The following LYPD6 variants were observed in gnomAD, a reference collection of about 807,000 sequenced individuals.
LYPD6 encodes the protein LY6/PLAUR domain containing 6.
Under a neutral mutation model 22.7 loss-of-function variants are expected in LYPD6, and 15 were observed. The observed-to-expected ratio is 0.66, with a 90% CI of 0.44 to 1.02. The LOEUF is 1.02. Ranked by LOEUF, LYPD6 falls within the 50% of genes least tolerant of loss-of-function variation. The pLI, the probability that LYPD6 is intolerant of heterozygous loss-of-function variation, is 0.00. For synonymous variants in LYPD6, 72 were observed against 77.5 expected (o/e 0.93, Z 0.37); for missense variants, 189 against 208.4 (o/e 0.91, Z 0.57).
intron 1 of LYPD6, among the ~76,000 whole-genome samples, chr2:149,424,724 G>A (rs1021960108): frequency 4.6e-5 from 7 of 152,176 alleles, no homozygotes; most frequent in Admixed American, 2.0e-4. Context: ...GAGAAGCAGC[G>A]TGGTGCACTA....
chr2:149,472,978 T>C lies in LYPD6; in HGVS notation c.*2128T>C, dbSNP rs1242683191. ...GCTATTTGCATGTGTCCCCAGGTGA[T>C]GTTTTTTCTTTGGGGAGTAGGGGTT... On this transcript the variant is annotated 3_prime_UTR_variant, in exon 5 of 5. Coordinates refer to ENST00000334166, the MANE Select transcript of LYPD6 (RefSeq NM_194317.5). The C allele has an allele frequency of 6.6e-6, 1 of 152,636 alleles. No individual in the cohort carries two copies. The highest frequency in any genetic ancestry group is 2.4e-5 in the African/African-American group (1 of 41,460). The allele number at this position is 152,636 out of a possible 1,614,324, so 9.5% of individuals were successfully genotyped here.
chr2:149,476,085 A>T (rs1057388265), downstream of LYPD6, among the ~76,000 whole-genome samples: 1 of 152,182 alleles, frequency 6.6e-6, no homozygotes, highest in African/African-American at 2.4e-5. Context: ...GAGAACTCAG[A>T]TCATTTGTCT....
chr2:149,441,995 T>C (rs530318494), intron 2 of LYPD6, among the ~76,000 whole-genome samples: 1 of 152,322 alleles, frequency 6.6e-6, no homozygotes, highest in African/African-American at 2.4e-5. Flanking sequence ...CAGACTATAC[T>C]ACGTAAGTCT....
intron 1 of LYPD6, among the ~76,000 whole-genome samples, chr2:149,348,995 T>C (rs533476462): frequency 2.3e-4 from 35 of 152,156 alleles, no homozygotes; most frequent in African/African-American, 8.2e-4. Flanking sequence ...GCTTCTAAGG[T>C]TTGGGACCTG....
chr2:149,393,479 A>C (rs1682359540), intron 1 of LYPD6, among the ~76,000 whole-genome samples: 1 of 152,318 alleles, frequency 6.6e-6, no homozygotes, highest in Non-Finnish European at 1.5e-5. Flanking sequence ...AAATAGCCTC[A>C]TAGTTGTTCT....
chr2:149,440,413 C>T lies in LYPD6; in HGVS notation c.118+2587C>T, dbSNP rs78126362. 8.5e-3 allele frequency: 1,358 copies of T among 160,040 alleles called. 15 individuals are homozygous for T. The highest frequency in any genetic ancestry group is 0.031 in the African/African-American group (1,301 of 41,756). The allele number at this position is 160,040 out of a possible 1,614,324, so 9.9% of individuals were successfully genotyped here. A position where few individuals can be genotyped will look rare whatever the true frequency, so the allele number is the denominator to read the frequency against. ...CCGGAAGAAACTGAAGAAACAAAAA[C>T]GTATGACATTGGAAATAAATGCAGC... On this transcript the variant is annotated intron_variant, in intron 2 of 4. Coordinates refer to ENST00000334166, the MANE Select transcript of LYPD6 (RefSeq NM_194317.5).
At chr2:149,397,203 G>A (rs1682446818) in intron 1 of LYPD6, among the ~76,000 whole-genome samples, 1 of 152,220 alleles carries the variant, frequency 6.6e-6, no homozygotes, top group Non-Finnish European at 1.5e-5. Flanking sequence ...AGGTCTATGA[G>A]TTGGCTGGGT....
At chr2:149,384,315 T>C (rs1184802620) in intron 1 of LYPD6, among the ~76,000 whole-genome samples, 1 of 152,210 alleles carries the variant, frequency 6.6e-6, no homozygotes, top group Admixed American at 6.5e-5. Flanking sequence ...AGTATTCTTA[T>C]CACAAACTCC....
intron 3 of LYPD6, among the ~76,000 whole-genome samples, chr2:149,468,132 AACACAC>A (rs58309346): frequency 0.048 from 5,514 of 114,642 alleles, 169 homozygotes; most frequent in East Asian, 0.16. Flanking sequence ...GCTTCCCCCC[AACACAC>A]ACACACACAC....
chr2:149,458,907 G>A (rs186600193), intron 3 of LYPD6, among the ~76,000 whole-genome samples: 173 of 152,256 alleles, frequency 1.1e-3, no homozygotes, highest in African/African-American at 3.9e-3. Context: ...GTAGAAAATA[G>A]GCTGAGGGGA....
intron 1 of LYPD6, among the ~76,000 whole-genome samples, chr2:149,434,399 C>T (rs887122089): frequency 6.6e-6 from 1 of 152,134 alleles, no homozygotes; most frequent in Non-Finnish European, 1.5e-5. Context: ...TTACTGTGTA[C>T]TTTACTATGA....
intron 1 of LYPD6, among the ~76,000 whole-genome samples, chr2:149,351,571 G>A (rs190628967): frequency 1.3e-4 from 20 of 152,148 alleles, no homozygotes; most frequent in Non-Finnish European, 1.2e-4. Context: ...GGAAGATTGC[G>A]TGTTCATAAG....
At chr2:149,353,916 C>T (rs1681404463) in intron 1 of LYPD6, among the ~76,000 whole-genome samples, 1 of 152,074 alleles carries the variant, frequency 6.6e-6, no homozygotes, top group Non-Finnish European at 1.5e-5. Context: ...AATGAGGAGC[C>T]ACAAAAGGGT....
rs920383294 is a variant in LYPD6 at position 149,473,415 on chromosome 2, C to G, written c.*2565C>G. 1 of 152,640 alleles carries G rather than the reference C, an allele frequency of 6.6e-6. No homozygotes were observed. Among genetic ancestry groups the G allele is most frequent in the Non-Finnish European group, 1.5e-5 (1 of 68,044 alleles). The allele number at this position is 152,640 out of a possible 1,614,324, so 9.5% of individuals were successfully genotyped here. The stretch of plus-strand genomic sequence containing the variant: ...ACATGGAAGGTCCGGGACTGGTCAG[C>G]CACTCTGACTTTTCTACCACATTAA... On this transcript the variant is annotated 3_prime_UTR_variant, in exon 5 of 5. Transcript: ENST00000334166.
At chr2:149,461,233 T>C (rs1287642151) in intron 3 of LYPD6, among the ~76,000 whole-genome samples, 2 of 151,770 alleles carry the variant, frequency 1.3e-5, no homozygotes, top group Non-Finnish European at 2.9e-5. Flanking sequence ...AGAAAAACAT[T>C]AAGGTACTAA....
intron 1 of LYPD6, among the ~76,000 whole-genome samples, chr2:149,422,906 G>C (rs867488009): frequency 6.6e-6 from 1 of 151,988 alleles, no homozygotes; most frequent in Non-Finnish European, 1.5e-5. Context: ...TGTCCTCTAG[G>C]TTCATCCATG....
At chr2:149,467,237 A>C (rs1681220585) in intron 3 of LYPD6, among the ~76,000 whole-genome samples, 1 of 152,234 alleles carries the variant, frequency 6.6e-6, no homozygotes, top group Non-Finnish European at 1.5e-5. Context: ...ACCTTGGAGC[A>C]AGCTTCAGCC....
intron 1 of LYPD6, among the ~76,000 whole-genome samples, chr2:149,372,243 C>T (rs1336430159): frequency 7.2e-5 from 11 of 152,226 alleles, no homozygotes; most frequent in Admixed American, 5.2e-4. Context: ...CTAATACTTG[C>T]GATACAACTC....
chr2:149,370,098 G>A (rs1681773779), intron 1 of LYPD6, among the ~76,000 whole-genome samples: 1 of 152,148 alleles, frequency 6.6e-6, no homozygotes, highest in Admixed American at 6.5e-5. Flanking sequence ...CCAGATTCTG[G>A]TGACAGGAAT....
Sources: allele counts gnomAD v4.1 joint callset (sites outside exome capture counted in the v4.1 genomes callset), GRCh38; gene constraint gnomAD v4.1.1; transcripts MANE v1.5; gene names NCBI Gene and HGNC (gene_info 2026-07-23, HGNC 2026-07-21).